Variants in CACNA1C observed in about 807,000 individuals in gnomAD.
The protein encoded by CACNA1C is voltage-dependent L-type calcium channel subunit alpha-1C.
A neutral mutation model predicts 229.0 loss-of-function variants in CACNA1C; 30 were observed. The ratio of observed to expected loss-of-function variants is 0.13; its 90% CI spans 0.10 to 0.18. The LOEUF is 0.18. Among genes scored for constraint, CACNA1C ranks in the 10% least tolerant of loss-of-function variants. The probability of loss-of-function intolerance (pLI) is 1.00; values close to 1 mark genes in which losing one functional copy is unlikely to be tolerated. For synonymous variants in CACNA1C, 1,114 were observed against 1,132.5 expected, an observed-to-expected ratio of 0.98 and a Z score of 0.33; for missense variants, 1,658 against 2,845.0, an observed-to-expected ratio of 0.58 and a Z score of 9.49.
chr12:2,137,839 C>T (rs1021850047), intron 3 of CACNA1C, among the ~76,000 whole-genome samples: 1 of 151,446 alleles, frequency 6.6e-6, no homozygotes, highest in Non-Finnish European at 1.5e-5. Flanking sequence ...TGGCTGCAAC[C>T]TGCCTGCTGC....
intron 1 of CACNA1C, among the ~76,000 whole-genome samples, chr12:2,065,892 G>A (rs889170356): frequency 7.2e-5 from 11 of 152,284 alleles, no homozygotes; most frequent in Admixed American, 3.9e-4. Context: ...TTTGCAGGGG[G>A]AAGAAGTGGG....
intron 3 of CACNA1C, among the ~76,000 whole-genome samples, chr12:2,337,224 C>T (rs1270285700): frequency 6.6e-6 from 1 of 152,346 alleles, no homozygotes; most frequent in South Asian, 2.1e-4. Flanking sequence ...GGTCAGTAGT[C>T]CCTGAGAGGC....
rs1478828207 is a variant in CACNA1C at position 2,605,538 on chromosome 12, A to T, written c.3049-141A>T. On this transcript the variant is annotated intron_variant, in intron 23 of 46. Coordinates refer to ENST00000399655, the MANE Select transcript of CACNA1C (RefSeq NM_000719.7). This position sits in a 1 kb window ranked among gnomAD's most constrained non-coding sequence, Gnocchi z 6.2. Reference sequence around the variant, plus strand: ...ATCCCATTAGGGTCCATCACTTCCCATGTGACTTTGGGAGCGTGGCTTTGC... The same window carrying T: ...ATCCCATTAGGGTCCATCACTTCCCTTGTGACTTTGGGAGCGTGGCTTTGC... 5.8e-6 allele frequency: 4 copies of T among 687,896 alleles called. No individual in the cohort carries two copies. Among genetic ancestry groups the T allele is most frequent in the Non-Finnish European group, 1.1e-5 (4 of 377,394 alleles). The allele number at this position is 687,896 out of a possible 1,614,324, so 42.6% of individuals were successfully genotyped here.
intron 9 of CACNA1C, among the ~76,000 whole-genome samples, chr12:2,544,475 C>T (rs927345240): frequency 6.6e-6 from 1 of 152,222 alleles, no homozygotes; most frequent in Non-Finnish European, 1.5e-5. Flanking sequence ...TTCCCACCTG[C>T]ATTTGCTGCC....
Position 2,004,202 on chromosome 12 carries a change from G to C in CACNA1C, c.139+33001G>C, listed in dbSNP as rs1215668813. The C allele has an allele frequency of 3.8e-6, 6 of 1,564,408 alleles. No individual in the cohort carries two copies. In the East Asian group the frequency reaches 7.1e-5, roughly 19 times the overall value. ...GCGTCAACGTCTCCTCCCCCTCACC[G>C]GGTCCTCAAGTCCTGAGTCTGACGC... On this transcript the variant is annotated intron_variant, in intron 1 of 46. Transcript: ENST00000682462.
chr12:2,174,909 G>T (rs1011462598), intron 3 of CACNA1C, among the ~76,000 whole-genome samples: 4 of 152,168 alleles, frequency 2.6e-5, no homozygotes, highest in Admixed American at 2.6e-4. Flanking sequence ...CATTGTAAAG[G>T]TCTTCATCCT....
At position 2,336,253 on chromosome 12, in the gene CACNA1C, C is replaced by T. The variant is rs57386608; in HGVS notation, c.478-112723C>T. Reference sequence around the variant, plus strand: ...GGCACGATTATTCCAACCTATCTTTCTATTGTATTGGTCCATCTACTTTGC... The same window carrying T: ...GGCACGATTATTCCAACCTATCTTTTTATTGTATTGGTCCATCTACTTTGC... On this transcript the variant is annotated intron_variant, in intron 3 of 46. Transcript: ENST00000399655. 5.6e-3 allele frequency among the ~76,000 whole-genome samples: 847 copies of T among 152,298 alleles called. 5 individuals are homozygous for T. Among genetic ancestry groups the T allele is most frequent in the African/African-American group, 0.019 (802 of 41,570 alleles).
At chr12:2,636,427 G>T (rs770100155) in intron 30 of CACNA1C, among the ~76,000 whole-genome samples, 4 of 152,174 alleles carry the variant, frequency 2.6e-5, no homozygotes, top group Non-Finnish European at 5.9e-5. Flanking sequence ...AGAAAAGGGG[G>T]CTCTGTTGGG....
At position 2,584,624 on chromosome 12, in the gene CACNA1C, C is replaced by G. The variant is rs748481639; in HGVS notation, c.2339+7C>G. The G allele has an allele frequency of 7.5e-6, 12 of 1,590,234 alleles. No homozygotes were observed. Among genetic ancestry groups the G allele is most frequent in the Non-Finnish European group, 1.0e-5 (12 of 1,160,212 alleles). Reference sequence around the variant, plus strand: ...AGAGAAAGAAGCTGGCCAGGTAACCCTCTAAGCTTGCCCAGGCCTGGGGCT... The same window carrying G: ...AGAGAAAGAAGCTGGCCAGGTAACCGTCTAAGCTTGCCCAGGCCTGGGGCT... On this transcript the variant is annotated splice_region_variant and intron_variant, in intron 16 of 46. Transcript: ENST00000399655.
At chr12:2,450,573 A>G (rs1005981540) in intron 4 of CACNA1C, among the ~76,000 whole-genome samples, 6 of 150,014 alleles carry the variant, frequency 4.0e-5, no homozygotes, top group African/African-American at 7.4e-5. Flanking sequence ...AAAAAAAAAA[A>G]AAAAACGCAG....
Position 2,608,798 on chromosome 12 carries a change from G to A in CACNA1C, c.3558+86G>A. ...CCCACCCCGCAGAGGGGCTGCGACA[G>A]GGAGAGGCCGTGCAGATACTGAGAT... On this transcript the variant is annotated intron_variant, in intron 27 of 46. Transcript: ENST00000399655. This position sits in a 1 kb window ranked among gnomAD's most constrained non-coding sequence, Gnocchi z 4.2. The A allele has an allele frequency of 7.5e-7, 1 of 1,337,520 alleles. No individual in the cohort carries two copies. The highest frequency in any genetic ancestry group is 1.0e-6 in the Non-Finnish European group (1 of 952,444). 82.9% of individuals were successfully genotyped at this position (1,337,520 alleles called of 1,614,324 possible).
At chr12:2,231,042 C>A (rs576386276) in intron 3 of CACNA1C, among the ~76,000 whole-genome samples, 1 of 152,170 alleles carries the variant, frequency 6.6e-6, no homozygotes, top group Non-Finnish European at 1.5e-5. Flanking sequence ...TATACAGATA[C>A]GCACAAAGGT....
intron 29 of CACNA1C, among the ~76,000 whole-genome samples, chr12:2,629,408 C>T (rs560766690): frequency 3.3e-4 from 51 of 152,336 alleles, no homozygotes; most frequent in African/African-American, 1.2e-3. Context: ...CATGGCCCCA[C>T]AGTTAAGACA....
rs534331208 is a variant in CACNA1C, at chr12:2,077,052, G to T, written c.49+23441G>T. ...GAGGTCGAGCAACATTCATTACAAC[G>T]CATTGCCCACTTAAGTTTGATTTAA... On this transcript the variant is annotated intron_variant, in intron 1 of 46. Transcript: ENST00000399655. Among the ~76,000 whole-genome samples the T allele has an allele frequency of 2.2e-4, 34 of 152,340 alleles. 1 individual carries two copies. In the South Asian group the frequency reaches 4.6e-3, roughly 20 times the overall value.
At position 2,602,630 on chromosome 12, in the gene CACNA1C, TTGTGTGTGTGTGTGTGTGTGTG is replaced by T. The variant is rs3062140; in HGVS notation, c.2960+689_2960+710del. 5.7e-5 allele frequency among the ~76,000 whole-genome samples: 8 copies of T among 140,796 alleles called. No individual in the cohort carries two copies. Among genetic ancestry groups the T allele is most frequent in the African/African-American group, 2.2e-4 (8 of 36,120 alleles). 92.4% of individuals were successfully genotyped at this position (140,796 alleles called of 152,430 possible). On this transcript the variant is annotated intron_variant, in intron 22 of 46. Transcript: ENST00000399655. This position sits in a 1 kb window ranked among gnomAD's most constrained non-coding sequence, Gnocchi z 4.4. Reference sequence around the variant, plus strand: ...GTGTGTGACTGTGTATATTTGTGTCTTGTGTGTGTGTGTGTGTGTGTGTGTGTGTGTGTGTGTGTGAGTTTTT... The same window carrying T: ...GTGTGTGACTGTGTATATTTGTGTCTTGTGTGTGTGTGTGTGTGAGTTTTT...
intron 45 of CACNA1C, 105 bp downstream of exon 45, chr12:2,686,374 G>T: frequency 1.1e-6 from 1 of 913,718 alleles, no homozygotes; most frequent in Non-Finnish European, 1.8e-6. Flanking sequence ...GCCTGTCTCA[G>T]ATGGCTGGCA....
chr12:2,326,105 A>G (rs571825032), intron 3 of CACNA1C, among the ~76,000 whole-genome samples: 2 of 152,048 alleles, frequency 1.3e-5, no homozygotes, highest in Non-Finnish European at 2.9e-5. Flanking sequence ...TTCATCATCA[A>G]TTTTTTTCAG....
At chr12:2,230,976 C>G (rs567234384) in intron 3 of CACNA1C, among the ~76,000 whole-genome samples, 1 of 152,328 alleles carries the variant, frequency 6.6e-6, no homozygotes, top group East Asian at 1.9e-4. Context: ...CTTTGTCAAT[C>G]TCTTAATTTC....
intron 3 of CACNA1C, among the ~76,000 whole-genome samples, chr12:2,258,056 C>T (rs2078665157): frequency 6.6e-6 from 1 of 152,252 alleles, no homozygotes; most frequent in Non-Finnish European, 1.5e-5. Flanking sequence ...AAGAGGGAGG[C>T]AGAGTTTCTT....
Sources: gnomAD v4.1 joint callset for allele counts (sites outside exome capture counted in the v4.1 genomes callset) on GRCh38, gnomAD v4.1.1 for gene constraint, Gnocchi (gnomAD v3.1) non-coding constraint, MANE v1.5 for transcripts, NCBI Gene and HGNC (gene_info 2026-07-23, HGNC 2026-07-21) for gene names.